The following SEMA6D variants were observed in gnomAD, a reference collection of about 807,000 sequenced individuals.
The protein encoded by SEMA6D is semaphorin 6D, also known as semaphorin-6D.
A neutral mutation model predicts 106.6 loss-of-function variants in SEMA6D; 35 were observed. That is an observed-to-expected ratio of 0.33 (90% CI 0.25 to 0.44). SEMA6D has a LOEUF of 0.44. Among genes scored for constraint, SEMA6D ranks in the 20% least tolerant of loss-of-function variants. The probability of loss-of-function intolerance (pLI) is 1.00; values close to 1 mark genes in which losing one functional copy is unlikely to be tolerated. For synonymous variants in SEMA6D, 499 were observed against 487.7 expected (o/e 1.02, Z -0.31); for missense variants, 1,185 against 1,345.9 (o/e 0.88, Z 1.87).
At chr15:47,611,803 A>G (rs2076911463) in intron 4 of SEMA6D, among the ~76,000 whole-genome samples, 1 of 152,224 alleles carries the variant, frequency 6.6e-6, no homozygotes, top group Non-Finnish European at 1.5e-5. Context: ...TTGATAAATC[A>G]ATGTCAAAAG....
intron 2 of SEMA6D, among the ~76,000 whole-genome samples, chr15:47,454,599 GCACACACACA>G (rs71118183): frequency 2.0e-5 from 3 of 148,874 alleles, no homozygotes; most frequent in Non-Finnish European, 3.0e-5. Flanking sequence ...TTGCACATGT[GCACACACACA>G]CACACACACA....
intron 1 of SEMA6D, among the ~76,000 whole-genome samples, chr15:47,308,033 A>ATT (rs34204516): frequency 2.1e-3 from 308 of 145,612 alleles, no homozygotes; most frequent in African/African-American, 4.3e-3. Flanking sequence ...TGGCCTGGCT[A>ATT]TTTTTTTTTT....
intron 3 of SEMA6D, among the ~76,000 whole-genome samples, chr15:47,587,792 CTT>C (rs3050572): frequency 7.1e-4 from 106 of 149,206 alleles, no homozygotes; most frequent in Non-Finnish European, 4.6e-4. Context: ...CTTTTTCTTT[CTT>C]TTTTTTTTTT....
chr15:47,494,610 A>G (rs1479664929), intron 3 of SEMA6D, among the ~76,000 whole-genome samples: 1 of 151,058 alleles, frequency 6.6e-6, no homozygotes, highest in East Asian at 1.9e-4. Context: ...ATTATAATGT[A>G]TTTAGCATGA....
At chr15:47,265,012 G>A (rs1388236183) in intron 1 of SEMA6D, among the ~76,000 whole-genome samples, 4 of 151,876 alleles carry the variant, frequency 2.6e-5, no homozygotes, top group Admixed American at 2.6e-4. Context: ...GATTCAGTTT[G>A]CTAGAATCTT....
At chr15:47,562,060 A>C (rs1374847695) in intron 3 of SEMA6D, among the ~76,000 whole-genome samples, 1 of 152,082 alleles carries the variant, frequency 6.6e-6, no homozygotes, top group Non-Finnish European at 1.5e-5. Context: ...GTAAAGCTAC[A>C]GTAATCAAGA....
At chr15:47,634,846 C>T (rs868397759) in intron 4 of SEMA6D, among the ~76,000 whole-genome samples, 4 of 152,110 alleles carry the variant, frequency 2.6e-5, no homozygotes, top group East Asian at 1.9e-4. Flanking sequence ...TTCAACTTCC[C>T]GCTTGCCCCA....
intron 1 of SEMA6D, among the ~76,000 whole-genome samples, chr15:47,358,235 A>G (rs1348973409): frequency 1.3e-5 from 2 of 152,180 alleles, no homozygotes; most frequent in African/African-American, 4.8e-5. Flanking sequence ...GTGTCCCTGG[A>G]TGGATAGTGG....
At chr15:47,319,472 C>G (rs1189884039) in intron 1 of SEMA6D, among the ~76,000 whole-genome samples, 14 of 152,052 alleles carry the variant, frequency 9.2e-5, no homozygotes, top group Non-Finnish European at 1.6e-4. Flanking sequence ...AAGTAGGTCT[C>G]AATCTTTAAT....
At chr15:47,209,579 C>G (rs2141198702) in intron 1 of SEMA6D, among the ~76,000 whole-genome samples, 1 of 152,170 alleles carries the variant, frequency 6.6e-6, no homozygotes, top group East Asian at 1.9e-4. Flanking sequence ...GTAACATATT[C>G]CACTGTTTCA....
chr15:47,221,494 A>G (rs369630569), intron 1 of SEMA6D, among the ~76,000 whole-genome samples: 1 of 152,184 alleles, frequency 6.6e-6, no homozygotes, highest in Non-Finnish European at 1.5e-5. Context: ...CCTGGGGTCC[A>G]AGGACCCCAA....
At chr15:47,252,093 T>C (rs976758837) in intron 1 of SEMA6D, among the ~76,000 whole-genome samples, 5 of 145,794 alleles carry the variant, frequency 3.4e-5, no homozygotes, top group Non-Finnish European at 7.5e-5. Context: ...TTTTTTGTAT[T>C]TTTTTAGTAG....
chr15:47,565,433 T>A (rs1386732499), intron 3 of SEMA6D, among the ~76,000 whole-genome samples: 2 of 152,178 alleles, frequency 1.3e-5, no homozygotes, highest in Admixed American at 1.3e-4. Context: ...GCTCACACAC[T>A]CCCTCCCGTG....
chr15:47,411,937 T>G (rs928713174), intron 1 of SEMA6D, among the ~76,000 whole-genome samples: 11 of 89,370 alleles, frequency 1.2e-4, no homozygotes, highest in Non-Finnish European at 2.6e-4. Flanking sequence ...AGGGACTCAG[T>G]GAAAAAAGCA....
intron 3 of SEMA6D, among the ~76,000 whole-genome samples, chr15:47,501,521 A>G (rs2043847317): frequency 6.6e-6 from 1 of 152,158 alleles, no homozygotes; most frequent in South Asian, 2.1e-4. Flanking sequence ...TTTACAAGGT[A>G]AGATTTAAAT....
rs538670142 is a variant in SEMA6D, at chr15:47,364,051, A to G, written c.-238-48342A>G. 4.6e-5 allele frequency among the ~76,000 whole-genome samples: 7 copies of G among 152,266 alleles called. No individual in the cohort carries two copies. The South Asian group carries it at 1.5e-3, about 32-fold the overall frequency. ...CCTCCCTCGACACATGAAGATTACA[A>G]TTTGAGATGAGATTTGGGTGGGGAC... On this transcript the variant is annotated intron_variant, in intron 1 of 19. Transcript: ENST00000558014.
At chr15:47,274,915 G>A (rs2142341593) in intron 1 of SEMA6D, 1 of 152,264 alleles carries the variant, frequency 6.6e-6, no homozygotes, top group East Asian at 1.9e-4. Context: ...TCTGCTAGAG[G>A]GCAGGTTCTA....
chr15:47,321,016 C>T (rs2036901409), intron 1 of SEMA6D, among the ~76,000 whole-genome samples: 1 of 152,134 alleles, frequency 6.6e-6, no homozygotes, highest in Admixed American at 6.5e-5. Context: ...TAGCTTGATA[C>T]TTATATACAC....
At chr15:47,588,315 T>C (rs140672205) in intron 3 of SEMA6D, among the ~76,000 whole-genome samples, 1 of 152,318 alleles carries the variant, frequency 6.6e-6, no homozygotes, top group African/African-American at 2.4e-5. Flanking sequence ...AGGCCATTTG[T>C]CTAGGGGACA....
Sources: gnomAD v4.1 joint callset for allele counts (sites outside exome capture counted in the v4.1 genomes callset) on GRCh38, gnomAD v4.1.1 for gene constraint, MANE v1.5 for transcripts, NCBI Gene and HGNC (gene_info 2026-07-23, HGNC 2026-07-21) for gene names.